CEP85L: variants seen among roughly 807,000 people sequenced by gnomAD.
CEP85L encodes centrosomal protein of 85 kDa-like.
CEP85L carries 60 observed loss-of-function variants against 100.3 expected under a neutral mutation model. The ratio of observed to expected loss-of-function variants is 0.60; its 90% confidence interval spans 0.49 to 0.74. The LOEUF (loss-of-function observed/expected upper bound fraction) is 0.74, where lower values mean the gene tolerates loss of function less well. Among genes scored for constraint, CEP85L ranks in the 30% least tolerant of loss-of-function variants. CEP85L has a pLI of 0.00. For missense variants in CEP85L, 973 were observed against 936.2 expected, an observed-to-expected ratio of 1.04 and a Z score of -0.51; for synonymous variants, 319 against 322.7, an observed-to-expected ratio of 0.99 and a Z score of 0.12.
At chr6:118,628,637 A>AAAACAAACAAAC (rs138925552) in intron 2 of CEP85L, among the ~76,000 whole-genome samples, 1 of 150,464 alleles carries the variant, frequency 6.6e-6, no homozygotes, top group Non-Finnish European at 1.5e-5. Flanking sequence ...TCCATCCAAA[A>AAAACAAACAAAC]AAACAAACAA....
chr6:118,542,923 A>AAAAAAAAAAAAAAAAAAAAAAAAC (rs1554216838), intron 3 of CEP85L, among the ~76,000 whole-genome samples: 1 of 143,932 alleles, frequency 6.9e-6, no homozygotes, highest in Non-Finnish European at 1.5e-5. Context: ...AAAAAAAAAA[A>AAAAAAAAAAAAAAAAAAAAAAAAC]CAGGATATTC....
chr6:118,632,427 T>C, intron 2 of CEP85L, 26 bp downstream of exon 2: 2 of 1,563,300 alleles, frequency 1.3e-6, no homozygotes, highest in East Asian at 4.5e-5. Context: ...AAGATTCATA[T>C]ATAAACAATA....
rs1475716599 is a variant in CEP85L, at chr6:118,600,312, T to G, written c.232+32141A>C. Among the ~76,000 whole-genome samples the G allele has an allele frequency of 3.1e-3, 232 of 75,120 alleles. 14 individuals carry two copies. The highest frequency in any genetic ancestry group is 0.021 in the Middle Eastern group (3 of 144). 49.3% of individuals were successfully genotyped at this position (75,120 alleles called of 152,430 possible). A position where few individuals can be genotyped will look rare whatever the true frequency, so the allele number is the denominator to read the frequency against. ...GAGCCTTCCTGGGGGTGTGTGTGTGTGTGTGTGTGTGTGTGTGTGTGTGTG... is the reference window on the plus strand; with the variant it reads ...GAGCCTTCCTGGGGGTGTGTGTGTGGGTGTGTGTGTGTGTGTGTGTGTGTG... On this transcript the variant is annotated intron_variant, in intron 2 of 12. Transcript: ENST00000368491.
chr6:118,489,964 CAT>C (rs199529718), intron 6 of CEP85L, among the ~76,000 whole-genome samples: 4,327 of 151,080 alleles, frequency 0.029, 101 homozygotes, highest in African/African-American at 0.057. Context: ...CACACACACA[CAT>C]ACGTGTGTGT....
In CEP85L at chr6:118,536,829, C is replaced by T. The variant is rs532287665; in HGVS notation, c.1021-12909G>A. On this transcript the variant is annotated intron_variant, in intron 3 of 12. Transcript: ENST00000368491. ...TCTATTAAGGCAGAAGACAATCCTG[C>T]TTCCTAATATAGAAAAGAGGAAAGG... is the stretch of plus-strand genomic sequence containing the variant. Among the ~76,000 whole-genome samples the T allele has an allele frequency of 1.2e-4, 18 of 152,282 alleles. No homozygotes were observed. In the South Asian group the frequency reaches 3.7e-3, roughly 32 times the overall value.
chr6:118,468,927 A>G, intron 12 of CEP85L, 145 bp downstream of exon 12: 1 of 615,356 alleles, frequency 1.6e-6, no homozygotes, highest in Non-Finnish European at 2.9e-6. Flanking sequence ...ATGAAGTAAT[A>G]ACAGGTATAC....
At chr6:118,468,915 C>T (rs1772729734) in intron 12 of CEP85L, among the ~76,000 whole-genome samples, 157 bp downstream of exon 12, 1 of 152,092 alleles carries the variant, frequency 6.6e-6, no homozygotes, top group South Asian at 2.1e-4. Context: ...TCACTTCTTG[C>T]AATGAAGTAA....
intron 5 of CEP85L, chr6:118,502,992 C>T (rs952406551): frequency 1.4e-4 from 35 of 252,344 alleles, no homozygotes; most frequent in Non-Finnish European, 4.8e-5. Flanking sequence ...AACTTAAAAA[C>T]GCTTTCACAA....
At chr6:118,483,675 A>G (rs765963428) in intron 7 of CEP85L, 31 bp downstream of exon 7, 9 of 1,585,120 alleles carry the variant, frequency 5.7e-6, no homozygotes, top group Non-Finnish European at 7.7e-6. Context: ...TTTTCATGTC[A>G]TTTAAAGATA....
chr6:118,465,925 T>G (rs1216979817), intron 12 of CEP85L, among the ~76,000 whole-genome samples: 1 of 152,192 alleles, frequency 6.6e-6, no homozygotes, highest in African/African-American at 2.4e-5. Context: ...AGACCATTTG[T>G]GTAGTAAGAG....
At chr6:118,537,718 G>C (rs1340251899) in intron 3 of CEP85L, 36 of 985,080 alleles carry the variant, frequency 3.7e-5, no homozygotes, top group Non-Finnish European at 4.3e-5. Context: ...AAATTCTTTG[G>C]CCTGGACAAA....
intron 5 of CEP85L, chr6:118,502,333 A>G: frequency 1.9e-6 from 1 of 515,972 alleles, no homozygotes. Context: ...TTCAGCAACC[A>G]TGAGTTTCTG....
intron 3 of CEP85L, chr6:118,537,442 T>G: frequency 1.1e-6 from 1 of 896,716 alleles, no homozygotes; most frequent in African/African-American, 1.8e-5. Flanking sequence ...AAAATGCATA[T>G]GACACACTGT....
At chr6:118,610,740 GA>G (rs201521162) in intron 2 of CEP85L, among the ~76,000 whole-genome samples, 1 of 150,278 alleles carries the variant, frequency 6.7e-6, no homozygotes, top group East Asian at 2.0e-4. Context: ...GAAAACTGAA[GA>G]AAAAAAATAT....
intron 7 of CEP85L, among the ~76,000 whole-genome samples, chr6:118,482,738 A>G (rs151288873): frequency 2.2e-3 from 329 of 152,280 alleles, no homozygotes; most frequent in Non-Finnish European, 3.8e-3. Context: ...ATATTTTCTA[A>G]TACCCATTGC....
chr6:118,488,569 T>C (rs1174014576), intron 6 of CEP85L, among the ~76,000 whole-genome samples: 2 of 151,866 alleles, frequency 1.3e-5, no homozygotes, highest in African/African-American at 2.4e-5. Context: ...AATATACACA[T>C]TGTAGGAGTC....
At chr6:118,670,575 T>A (rs1161996735) in intron 1 of CEP85L, among the ~76,000 whole-genome samples, 1 of 151,380 alleles carries the variant, frequency 6.6e-6, no homozygotes, top group East Asian at 1.9e-4. Context: ...GCAGAGGCTT[T>A]AAAAGTGGCT....
chr6:118,598,383 C>T (rs1368183138), intron 2 of CEP85L, among the ~76,000 whole-genome samples: 1 of 152,060 alleles, frequency 6.6e-6, no homozygotes, highest in African/African-American at 2.4e-5. Context: ...AAATTTTAAC[C>T]CCTAGAAGCT....
chr6:118,652,457 A>G (rs528876812), upstream of CEP85L: 1 of 1,250,556 alleles, frequency 8.0e-7, no homozygotes, highest in African/African-American at 1.6e-5. Flanking sequence ...ACTAGTTCGT[A>G]TAAAAAATTC....
Sources: gnomAD v4.1 joint callset for allele counts (sites outside exome capture counted in the v4.1 genomes callset) on GRCh38, gnomAD v4.1.1 for gene constraint, MANE v1.5 for transcripts, NCBI Gene and HGNC (gene_info 2026-07-23, HGNC 2026-07-21) for gene names.